Variants in ANGPT1 observed in about 807,000 individuals in gnomAD.
ANGPT1 encodes angiopoietin-1.
A neutral mutation model predicts 62.2 loss-of-function variants in ANGPT1; 17 were observed. That is an observed-to-expected ratio of 0.27 (90% CI 0.19 to 0.41). The LOEUF is 0.41. Ranked by LOEUF, ANGPT1 falls within the 10% of genes least tolerant of loss-of-function variation. The probability of loss-of-function intolerance (pLI) is 1.00; values close to 1 mark genes in which losing one functional copy is unlikely to be tolerated. For synonymous variants in ANGPT1, 199 were observed against 198.9 expected (o/e 1.00, Z 0.00); for missense variants, 478 against 594.9 (o/e 0.80, Z 2.04).
At chr8:107,356,819 G>T (rs934581483) in intron 1 of ANGPT1, among the ~76,000 whole-genome samples, 1 of 152,130 alleles carries the variant, frequency 6.6e-6, no homozygotes, top group African/African-American at 2.4e-5. Flanking sequence ...ACACACATGC[G>T]GCAAGGGCAC....
chr8:107,453,107 TGAG>T (rs1337982045), intron 1 of ANGPT1, among the ~76,000 whole-genome samples: 1 of 152,044 alleles, frequency 6.6e-6, no homozygotes, highest in Non-Finnish European at 1.5e-5. Flanking sequence ...TTCTGTATGT[TGAG>T]GAGTGATCAT....
intron 8 of ANGPT1, among the ~76,000 whole-genome samples, chr8:107,253,938 G>A (rs576108076): frequency 6.6e-6 from 1 of 152,224 alleles, no homozygotes; most frequent in Admixed American, 6.5e-5. Flanking sequence ...TTGAAGGAAG[G>A]CCAGTATGGC....
chr8:107,452,307 G>A (rs939525686), intron 1 of ANGPT1, among the ~76,000 whole-genome samples: 6 of 151,538 alleles, frequency 4.0e-5, no homozygotes, highest in South Asian at 2.1e-4. Flanking sequence ...AGGATCTTAC[G>A]GAGAGACCAT....
intron 4 of ANGPT1, among the ~76,000 whole-genome samples, chr8:107,310,666 A>G (rs2130008565): frequency 6.6e-6 from 1 of 152,282 alleles, no homozygotes; most frequent in African/African-American, 2.4e-5. Context: ...CCTCAGCAGA[A>G]AAGTGAAGCC....
chr8:107,426,312 C>A (rs1230954938), intron 1 of ANGPT1, among the ~76,000 whole-genome samples: 1 of 152,110 alleles, frequency 6.6e-6, no homozygotes, highest in Non-Finnish European at 1.5e-5. Context: ...AACCCCAGTA[C>A]CAGGAAAGGT....
At chr8:107,369,214 T>C (rs140965648) in intron 1 of ANGPT1, among the ~76,000 whole-genome samples, 14 of 152,330 alleles carry the variant, frequency 9.2e-5, no homozygotes, top group African/African-American at 2.9e-4. Flanking sequence ...TTTTATGTTA[T>C]GAAAATGGCT....
chr8:107,324,128 C>T (rs1815223629), intron 3 of ANGPT1, among the ~76,000 whole-genome samples: 1 of 149,522 alleles, frequency 6.7e-6, no homozygotes, highest in African/African-American at 2.5e-5. Context: ...TTATGGCCTG[C>T]CCATGCTTGC....
At chr8:107,455,529 A>G (rs563347243) in intron 1 of ANGPT1, among the ~76,000 whole-genome samples, 1 of 152,180 alleles carries the variant, frequency 6.6e-6, no homozygotes, top group Non-Finnish European at 1.5e-5. Flanking sequence ...CTGGCCTTCC[A>G]TTCTAGGAAT....
chr8:107,494,426 C>T (rs1216534072), intron 1 of ANGPT1: 1 of 151,992 alleles, frequency 6.6e-6, no homozygotes, highest in East Asian at 1.9e-4. Context: ...GCTAATAATT[C>T]CAAAAAGAGC....
chr8:107,459,934 T>C (rs1016909517), intron 1 of ANGPT1, among the ~76,000 whole-genome samples: 1 of 152,164 alleles, frequency 6.6e-6, no homozygotes, highest in Admixed American at 6.5e-5. Flanking sequence ...GGTTGTTTGT[T>C]GACTAAGTGC....
chr8:107,426,517 AG>A (rs1413348177), intron 1 of ANGPT1, among the ~76,000 whole-genome samples: 4 of 152,240 alleles, frequency 2.6e-5, no homozygotes, highest in African/African-American at 9.6e-5. Context: ...GGCAAATTGA[AG>A]AACCTCTCTC....
intron 1 of ANGPT1, among the ~76,000 whole-genome samples, chr8:107,401,524 T>C (rs1817047585): frequency 6.6e-6 from 1 of 152,168 alleles, no homozygotes; most frequent in Non-Finnish European, 1.5e-5. Flanking sequence ...GATAATACAC[T>C]AAAGATCTGA....
intron 1 of ANGPT1, among the ~76,000 whole-genome samples, chr8:107,384,676 G>C (rs1270999445): frequency 6.6e-6 from 1 of 152,108 alleles, no homozygotes; most frequent in Non-Finnish European, 1.5e-5. Flanking sequence ...TGCTTTTGGA[G>C]TCTTCCTCAT....
chr8:107,300,781 A>G (rs114845889), intron 5 of ANGPT1, among the ~76,000 whole-genome samples: 1,954 of 152,050 alleles, frequency 0.013, 48 homozygotes, highest in African/African-American at 0.044. Flanking sequence ...AGTTTTATTT[A>G]TTTAAGAAAA....
At chr8:107,314,347 A>G (rs1192257364) in intron 4 of ANGPT1, among the ~76,000 whole-genome samples, 14 of 152,212 alleles carry the variant, frequency 9.2e-5, no homozygotes, top group Admixed American at 2.0e-4. Context: ...CCAATTCCAA[A>G]AGAGAATTAA....
intron 7 of ANGPT1, among the ~76,000 whole-genome samples, chr8:107,271,280 A>G (rs1813727976): frequency 6.6e-6 from 1 of 152,062 alleles, no homozygotes; most frequent in South Asian, 2.1e-4. Context: ...TATTTTGTGA[A>G]GATTAAATGA....
At chr8:107,376,894 A>C (rs1183079063) in intron 1 of ANGPT1, among the ~76,000 whole-genome samples, 2 of 152,142 alleles carry the variant, frequency 1.3e-5, no homozygotes, top group African/African-American at 4.8e-5. Context: ...TTGAACTTAG[A>C]GTTTAGGAAA....
chr8:107,470,323 A>C (rs916448699), intron 1 of ANGPT1, among the ~76,000 whole-genome samples: 3 of 152,128 alleles, frequency 2.0e-5, no homozygotes, highest in Non-Finnish European at 2.9e-5. Flanking sequence ...GGCTTGAAAC[A>C]AAGACATTTA....
At chr8:107,290,301 T>C (rs2130163901) in intron 6 of ANGPT1, among the ~76,000 whole-genome samples, 1 of 152,200 alleles carries the variant, frequency 6.6e-6, no homozygotes, top group African/African-American at 2.4e-5. Flanking sequence ...GAGAGAAAAC[T>C]TGATTTCTGC....
Sources: allele counts gnomAD v4.1 joint callset (sites outside exome capture counted in the v4.1 genomes callset), GRCh38; gene constraint gnomAD v4.1.1; transcripts MANE v1.5; gene names NCBI Gene and HGNC (gene_info 2026-07-23, HGNC 2026-07-21).